The following CFAP70 variants were observed in gnomAD, a reference collection of about 807,000 sequenced individuals.
CFAP70 encodes cilia- and flagella-associated protein 70.
CFAP70 carries 81 observed loss-of-function variants against 137.6 expected under a neutral mutation model. The observed-to-expected ratio is 0.59, with a 90% CI of 0.49 to 0.71. The LOEUF is 0.71. Among genes scored for constraint, CFAP70 ranks in the 30% least tolerant of loss-of-function variants. The pLI, the probability that CFAP70 is intolerant of heterozygous loss-of-function variation, is 0.00. For synonymous variants in CFAP70, 382 were observed against 423.6 expected, an observed-to-expected ratio of 0.90 and a Z score of 1.20; for missense variants, 976 against 1,226.7, an observed-to-expected ratio of 0.80 and a Z score of 3.05.
At chr10:73,346,144 G>A (rs1210894935) in intron 4 of CFAP70, among the ~76,000 whole-genome samples, 1 of 151,686 alleles carries the variant, frequency 6.6e-6, no homozygotes, top group Non-Finnish European at 1.5e-5. Context: ...TGATCCAGCC[G>A]CCTTGGCCTC....
upstream of CFAP70, among the ~76,000 whole-genome samples, chr10:73,361,025 G>A (rs1399413635): frequency 6.7e-6 from 1 of 150,348 alleles, no homozygotes; most frequent in Non-Finnish European, 1.5e-5. Context: ...TTAAGATGGA[G>A]TCTCACTCTG....
At chr10:73,300,126 G>A (rs1401405103) in intron 12 of CFAP70, among the ~76,000 whole-genome samples, 1 of 152,036 alleles carries the variant, frequency 6.6e-6, no homozygotes, top group African/African-American at 2.4e-5. Flanking sequence ...GTGTACTCTT[G>A]GCATAATTTA....
chr10:73,322,579 A>G lies in CFAP70; in HGVS notation c.912+384T>C, dbSNP rs865777355. Among the ~76,000 whole-genome samples the G allele has an allele frequency of 4.9e-4, 74 of 151,826 alleles. 1 individual carries two copies. The Middle Eastern group carries it at 0.017, about 35-fold the overall frequency. ...GACCCACATCTCTAAAAAAAAAAAA[A>G]AAAAAAAAGTACTCTCTTTTCTCTC... is the stretch of plus-strand genomic sequence containing the variant. On this transcript the variant is annotated intron_variant, in intron 9 of 26. Transcript: ENST00000310715.
At chr10:73,336,595 T>G (rs934521908) in intron 6 of CFAP70, among the ~76,000 whole-genome samples, 1 of 147,590 alleles carries the variant, frequency 6.8e-6, no homozygotes, top group Admixed American at 6.7e-5. Context: ...TTTTTTTTTT[T>G]TTTTTTGAGA....
At position 73,258,676 on chromosome 10, in the gene CFAP70, G is replaced by A. The variant is rs374820631; in HGVS notation, c.3028-2260C>T. Among the ~76,000 whole-genome samples, 7 of 152,286 alleles carry A rather than the reference G, an allele frequency of 4.6e-5. No homozygotes were observed. In the East Asian group the frequency reaches 9.6e-4, roughly 21 times the overall value. On this transcript the variant is annotated intron_variant, in intron 25 of 26. Transcript: ENST00000310715. ...TACAAAAGCGAATAGGAGAAATATC[G>A]CTGAATTCTTTTTCTCAGCAAGGAA...
Position 73,297,130 on chromosome 10 carries a change from G to A in CFAP70, c.1556C>T (p.Thr519Ile), listed in dbSNP as rs201985907. 158 of 1,613,680 alleles carry A rather than the reference G, an allele frequency of 9.8e-5. No individual in the cohort carries two copies. Among genetic ancestry groups the A allele is most frequent in the Non-Finnish European group, 1.3e-4 (155 of 1,179,796 alleles). The change falls in exon 15 of 27, where the codon ACA (threonine) becomes ATA (isoleucine). Residue 519 changes from threonine to isoleucine, a missense_variant. Coordinates refer to ENST00000310715, the Ensembl canonical transcript of CFAP70. ...AAGTTCCTCCTGGCTTTCAAATGATGTTGTCTTCAAGTATTTATCTCTCAC... is the reference window on the plus strand; with the variant it reads ...AAGTTCCTCCTGGCTTTCAAATGATATTGTCTTCAAGTATTTATCTCTCAC...
Position 73,256,257 on chromosome 10 carries a change from G to T in CFAP70, c.3075+112C>A. 4.1e-6 allele frequency: 5 copies of T among 1,224,872 alleles called. No individual in the cohort carries two copies. The South Asian group carries it at 6.7e-5, about 16-fold the overall frequency. The allele number at this position is 1,224,872 out of a possible 1,614,324, so 75.9% of individuals were successfully genotyped here. ...GATAATGGCAAAGATGGTAAGAAAA[G>T]CCTCTAGAAAAATATTCACATTATG... is the stretch of plus-strand genomic sequence containing the variant. On this transcript the variant is annotated intron_variant, in intron 26 of 26. Coordinates refer to ENST00000310715, the Ensembl canonical transcript of CFAP70.
chr10:73,277,608 G>A (rs1430957021), intron 20 of CFAP70, among the ~76,000 whole-genome samples: 3 of 152,036 alleles, frequency 2.0e-5, no homozygotes, highest in Non-Finnish European at 4.4e-5. Flanking sequence ...AGCTACTTGG[G>A]AGGCTGAGGC....
At chr10:73,319,280 A>C (rs1293474589) in intron 9 of CFAP70, among the ~76,000 whole-genome samples, 1 of 152,136 alleles carries the variant, frequency 6.6e-6, no homozygotes, top group African/African-American at 2.4e-5. Flanking sequence ...GCCTCCAGCT[A>C]AGGAGGAAGT....
intron 25 of CFAP70, among the ~76,000 whole-genome samples, chr10:73,259,975 C>T (rs1357351679): frequency 6.6e-6 from 1 of 151,658 alleles, no homozygotes; most frequent in Non-Finnish European, 1.5e-5. Context: ...AGCAAGTAAG[C>T]TGTGTTCCTG....
intron 3 of CFAP70, among the ~76,000 whole-genome samples, chr10:73,351,071 G>GTGTATA (rs1422420902): frequency 0.011 from 337 of 31,260 alleles, 1 homozygote; most frequent in Non-Finnish European, 0.019. Flanking sequence ...GTGTGTGTGT[G>GTGTATA]TATATATATA....
chr10:73,322,952 T>A lies in CFAP70; in HGVS notation c.912+11A>T. The A allele has an allele frequency of 1.3e-6, 2 of 1,576,392 alleles. No individual in the cohort carries two copies. The highest frequency in any genetic ancestry group is 1.7e-6 in the Non-Finnish European group (2 of 1,166,182). On this transcript the variant is annotated intron_variant, in intron 9 of 26. Transcript: ENST00000310715. ...AATTACCATGATGATTTTTATGCAATTTTTTCTTACCTTTTCATGGACTAC... is the reference window on the plus strand; with the variant it reads ...AATTACCATGATGATTTTTATGCAAATTTTTCTTACCTTTTCATGGACTAC...
chr10:73,274,705 TTC>T (rs2046565286), intron 22 of CFAP70, 111 bp from the exon 24 acceptor site: 1 of 1,052,100 alleles, frequency 9.5e-7, no homozygotes, highest in South Asian at 2.0e-5. Context: ...CCTTTCTCTT[TTC>T]TTTTTCAGAT....
intron 6 of CFAP70, 111 bp from the exon 8 acceptor site, chr10:73,335,635 T>C (rs1589533799): frequency 1.6e-6 from 1 of 642,026 alleles, no homozygotes; most frequent in Non-Finnish European, 2.5e-6. Context: ...CTTAGTATTA[T>C]TACTACTATA....
intron 6 of CFAP70, among the ~76,000 whole-genome samples, chr10:73,337,348 G>A (rs2052768020): frequency 6.6e-6 from 1 of 152,142 alleles, no homozygotes; most frequent in Non-Finnish European, 1.5e-5. Context: ...GCAGGGCATG[G>A]TGGCGTGTGC....
chr10:73,316,467 T>TATAG (rs1564830929), intron 9 of CFAP70, among the ~76,000 whole-genome samples: 7 of 116,290 alleles, frequency 6.0e-5, no homozygotes, highest in African/African-American at 2.1e-4. Context: ...TGTTGAGATA[T>TATAG]ATATATATAT....
At chr10:73,258,500 C>A (rs371287139) in intron 25 of CFAP70, among the ~76,000 whole-genome samples, 375 of 152,268 alleles carry the variant, frequency 2.5e-3, no homozygotes, top group African/African-American at 8.5e-3. Context: ...GTTATCTGCA[C>A]AAATTGTTTG....
At chr10:73,348,062 ATGC>A in intron 4 of CFAP70, 91 bp downstream of exon 5, 1 of 1,096,526 alleles carries the variant, frequency 9.1e-7, no homozygotes. Context: ...AAAATGCCCA[ATGC>A]ATTACACTCA....
chr10:73,308,142 G>A (rs2049556023), intron 12 of CFAP70, among the ~76,000 whole-genome samples: 1 of 151,786 alleles, frequency 6.6e-6, no homozygotes, highest in Non-Finnish European at 1.5e-5. Context: ...GTGACAGAGC[G>A]AGACTCTATC....
Sources: gnomAD v4.1 joint callset for allele counts (sites outside exome capture counted in the v4.1 genomes callset) on GRCh38, gnomAD v4.1.1 for gene constraint, MANE v1.5 for transcripts, NCBI Gene and HGNC (gene_info 2026-07-23, HGNC 2026-07-21) for gene names.